Variants in GABRR1 observed in about 807,000 individuals in gnomAD.
GABRR1 encodes gamma-aminobutyric acid receptor subunit rho-1.
A neutral mutation model predicts 55.5 loss-of-function variants in GABRR1; 59 were observed. The ratio of observed to expected loss-of-function variants is 1.06; its 90% CI spans 0.86 to 1.32. GABRR1 has a LOEUF of 1.32. Ranked by LOEUF, GABRR1 falls within the 40% of genes most tolerant of loss-of-function variation. The pLI, the probability that GABRR1 is intolerant of heterozygous loss-of-function variation, is 0.00. For synonymous variants in GABRR1, 213 were observed against 226.0 expected (o/e 0.94, Z 0.51); for missense variants, 602 against 619.1 (o/e 0.97, Z 0.29).
chr6:89,190,354 T>C, intron 5 of GABRR1, 107 bp from the exon 6 acceptor site: 1 of 665,586 alleles, frequency 1.5e-6, no homozygotes, highest in Non-Finnish European at 2.6e-6. Context: ...AGATGCCTCT[T>C]CTCATACTTC....
chr6:89,220,361 A>G (rs1409355025), upstream of GABRR1, among the ~76,000 whole-genome samples: 1 of 152,174 alleles, frequency 6.6e-6, no homozygotes, highest in Non-Finnish European at 1.5e-5. Flanking sequence ...GAGCCTTTGC[A>G]ACAAGGCCAC....
intron 5 of GABRR1, among the ~76,000 whole-genome samples, chr6:89,193,949 C>T (rs1170018610): frequency 6.6e-6 from 1 of 152,040 alleles, no homozygotes; most frequent in Non-Finnish European, 1.5e-5. Context: ...TGGAAAATCT[C>T]CCCCCAACTC....
chr6:89,179,191 T>A, intron 9 of GABRR1, 128 bp from the exon 10 acceptor site: 1 of 942,470 alleles, frequency 1.1e-6, no homozygotes, highest in Non-Finnish European at 1.5e-6. Flanking sequence ...AGGGTAGGTA[T>A]CCTGTTTTGT....
intron 1 of GABRR1, among the ~76,000 whole-genome samples, chr6:89,223,721 T>C (rs1773148958): frequency 6.6e-6 from 1 of 152,066 alleles, no homozygotes; most frequent in Non-Finnish European, 1.5e-5. Context: ...TTTTTTTTTT[T>C]TTTTAATGGC....
At chr6:89,225,072 T>A (rs1201260296) in intron 1 of GABRR1, among the ~76,000 whole-genome samples, 1 of 152,204 alleles carries the variant, frequency 6.6e-6, no homozygotes, top group Non-Finnish European at 1.5e-5. Context: ...AGAGCCACCG[T>A]GCCCAGCCAT....
At chr6:89,204,508 T>A in intron 1 of GABRR1, 1 of 481,520 alleles carries the variant, frequency 2.1e-6, no homozygotes, top group South Asian at 2.4e-5. Flanking sequence ...AAGGAAGGAA[T>A]CAGCCCCCTA....
chr6:89,183,912 C>A (rs1462736325), intron 7 of GABRR1, among the ~76,000 whole-genome samples: 1 of 152,064 alleles, frequency 6.6e-6, no homozygotes, highest in Non-Finnish European at 1.5e-5. Flanking sequence ...CCATTGGGTA[C>A]AATGTACACC....
chr6:89,189,070 G>T (rs867928037), intron 6 of GABRR1, among the ~76,000 whole-genome samples: 2 of 151,998 alleles, frequency 1.3e-5, no homozygotes, highest in Non-Finnish European at 2.9e-5. Flanking sequence ...GTGTGTGTGT[G>T]TTGGGCAAAG....
intron 2 of GABRR1, 62 bp from the exon 3 acceptor site, chr6:89,201,327 T>G (rs1772465724): frequency 8.8e-7 from 1 of 1,140,100 alleles, no homozygotes; most frequent in Non-Finnish European, 1.3e-6. Context: ...AAACAGTAAC[T>G]TGCATTCTGA....
chr6:89,185,348 A>C lies in GABRR1; in HGVS notation c.758T>G (p.Phe253Cys). 6.2e-7 allele frequency: 1 copy of C among 1,613,946 alleles called. No individual in the cohort carries two copies. The highest frequency in any genetic ancestry group is 8.5e-7 in the Non-Finnish European group (1 of 1,179,862). The change falls in exon 7 of 10, where the codon TTC becomes TGC. Residue 253 changes from phenylalanine (F) to cysteine (C), a missense_variant. By Grantham distance (205) the Phe-to-Cys change is radical. Transcript: ENST00000454853. ...ISLSQFLIQEFHTTTKLAFYS... is the reference protein window; with the variant it reads ...ISLSQFLIQECHTTTKLAFYS... ...GAAAGCCAGTTTGGTGGTGGTGTGG[A>C]ATTCCTGAATGAGGAACTGGGAGAG...
In GABRR1 at chr6:89,181,937, T is replaced by G. The variant is rs755842890; in HGVS notation, c.917A>C (p.Asp306Ala). Residue 306 changes from aspartate (D) to alanine (A), a missense_variant, in exon 8 of 10, where the codon GAC (aspartate) becomes GCC (alanine). By Grantham distance (126) the Asp-to-Ala change is moderately radical (BLOSUM62 -2). Around this residue, in one of 3 missense-constraint regions of GABRR1, gnomAD observed 435 missense variants for 424.2 expected, o/e 1.03. Transcript: ENST00000454853. ...VMLSWVSFWI[D>A]RRAVPARVPL... ...GACTCTGGCAGGCACGGCTCTGCGG[T>G]CGATCCAGAAGGACACCCAGGACAG... 1.2e-6 allele frequency: 2 copies of G among 1,613,898 alleles called. No homozygotes were observed. The highest frequency in any genetic ancestry group is 4.5e-5 in the East Asian group (2 of 44,876).
chr6:89,224,724 G>A (rs1201082710), intron 1 of GABRR1, among the ~76,000 whole-genome samples: 1 of 151,992 alleles, frequency 6.6e-6, no homozygotes, highest in Non-Finnish European at 1.5e-5. Flanking sequence ...TTGGGTTCTT[G>A]GTCATGAAGT....
Position 89,181,900 on chromosome 6 carries a change from C to G in GABRR1, c.949+5G>C. ...CTTGGAATATGCACTTGAGGTATTCCTTACCTAAGGGGACTCTGGCAGGCA... is the reference window on the plus strand; with the variant it reads ...CTTGGAATATGCACTTGAGGTATTCGTTACCTAAGGGGACTCTGGCAGGCA... On this transcript the variant is annotated splice_donor_5th_base_variant and intron_variant, in intron 8 of 9. Transcript: ENST00000454853. The G allele has an allele frequency of 6.2e-7, 1 of 1,607,372 alleles. No homozygotes were observed. Among genetic ancestry groups the G allele is most frequent in the Non-Finnish European group, 8.5e-7 (1 of 1,176,668 alleles).
chr6:89,207,998 C>A (rs1348042936), intron 1 of GABRR1, among the ~76,000 whole-genome samples: 1 of 152,158 alleles, frequency 6.6e-6, no homozygotes, highest in Non-Finnish European at 1.5e-5. Flanking sequence ...AGGGATTAGG[C>A]AATGAGATGG....
At position 89,201,185 on chromosome 6, in the gene GABRR1, T is replaced by C. The variant is rs899533371; in HGVS notation, c.254A>G (p.Asp85Gly). 2.0e-5 allele frequency: 33 copies of C among 1,613,910 alleles called. No homozygotes were observed. The highest frequency in any genetic ancestry group is 2.5e-5 in the Non-Finnish European group (30 of 1,179,922). The change falls in exon 3 of 10, where the codon GAT (aspartate) becomes GGT (glycine). Residue 85 changes from aspartate (D) to glycine (G), a missense_variant. Physicochemically the swap from Asp to Gly is moderately conservative, Grantham distance 94 (BLOSUM62 -1). Coordinates refer to ENST00000454853, the MANE Select transcript of GABRR1 (RefSeq NM_002042.5). Reference sequence around the variant, plus strand: ...TCCAAAGCCAGGCCTCATGCTGAAATCATGGTCATCTATCCTCAGAAGCTG... The same window carrying C: ...TCCAAAGCCAGGCCTCATGCTGAAACCATGGTCATCTATCCTCAGAAGCTG... Reference protein sequence around the residue: ...SEQLLRIDDHDFSMRPGFGGP... With the variant: ...SEQLLRIDDHGFSMRPGFGGP...
intron 5 of GABRR1, 26 bp downstream of exon 5, chr6:89,197,994 T>C (rs1490146101): frequency 5.0e-6 from 8 of 1,594,854 alleles, no homozygotes; most frequent in Non-Finnish European, 6.9e-6. Context: ...TCTTGGTTAA[T>C]ATGAATGATC....
At chr6:89,210,905 T>C (rs1279008230) in intron 1 of GABRR1, among the ~76,000 whole-genome samples, 1 of 127,580 alleles carries the variant, frequency 7.8e-6, no homozygotes, top group Non-Finnish European at 1.7e-5. Flanking sequence ...AGCCACCTAA[T>C]TGAGACTTGA....
rs149384869 is a variant in GABRR1, at chr6:89,204,823, A to G, written c.123-1338T>C. On this transcript the variant is annotated intron_variant, in intron 1 of 9. Transcript: ENST00000454853. The stretch of plus-strand genomic sequence containing the variant: ...TTAGAAAATAGATTAATCATAAAGG[A>G]GAAGATGAATATAACTCAGAAGGAA... The G allele has an allele frequency of 3.2e-3, 916 of 286,658 alleles. 6 individuals are homozygous for G. The highest frequency in any genetic ancestry group is 0.014 in the African/African-American group (614 of 44,706). 17.8% of individuals were successfully genotyped at this position (286,658 alleles called of 1,614,324 possible).
Position 89,226,479 on chromosome 6 carries a change from A to G in GABRR1, c.-411+4737T>C, listed in dbSNP as rs1001299120. On this transcript the variant is annotated intron_variant, in intron 1 of 11. Coordinates refer to the GABRR1 transcript ENST00000369451. ...AAGGGATCCAGTTTCAGCTTTCTAC[A>G]TATGGCTAGCCAGTTTTCCCAGCAC... 3.0e-4 allele frequency among the ~76,000 whole-genome samples: 45 copies of G among 151,882 alleles called. No homozygotes were observed. In the East Asian group the frequency reaches 4.3e-3, roughly 14 times the overall value.
Sources: gnomAD v4.1 joint callset for allele counts (sites outside exome capture counted in the v4.1 genomes callset) on GRCh38, gnomAD v4.1.1 for gene constraint, gnomAD v4.1.1 regional missense constraint, MANE v1.5 for transcripts, NCBI Gene and HGNC (gene_info 2026-07-23, HGNC 2026-07-21) for gene names.